NELL1: variants seen among roughly 807,000 people sequenced by gnomAD.
NELL1 encodes the protein protein kinase C-binding protein NELL1.
Under a neutral mutation model 107.4 loss-of-function variants are expected in NELL1, and 76 were observed. The ratio of observed to expected loss-of-function variants is 0.71; its 90% CI spans 0.59 to 0.86. The LOEUF is 0.86. Among genes scored for constraint, NELL1 ranks in the 40% least tolerant of loss-of-function variants. NELL1 has a pLI of 0.00. For missense variants in NELL1, 1,024 were observed against 1,005.5 expected, an observed-to-expected ratio of 1.02 and a Z score of -0.25; for synonymous variants, 353 against 341.2, an observed-to-expected ratio of 1.03 and a Z score of -0.38.
intron 14 of NELL1, among the ~76,000 whole-genome samples, chr11:21,299,046 A>G (rs1226506840): frequency 6.6e-6 from 1 of 151,930 alleles, no homozygotes. Flanking sequence ...CTGTGGCTGG[A>G]TTTCATTGGA....
chr11:21,496,258 A>C (rs2133924166), intron 15 of NELL1, among the ~76,000 whole-genome samples: 1 of 151,880 alleles, frequency 6.6e-6, no homozygotes, highest in African/African-American at 2.4e-5. Context: ...TTCCCATATA[A>C]TTATTTTAAT....
chr11:21,307,457 A>T (rs1387881251), intron 14 of NELL1, among the ~76,000 whole-genome samples: 1 of 151,972 alleles, frequency 6.6e-6, no homozygotes, highest in Non-Finnish European at 1.5e-5. Context: ...TCCCAAACAC[A>T]CACCTACATA....
At chr11:21,025,161 T>A (rs1263206073) in intron 12 of NELL1, among the ~76,000 whole-genome samples, 1 of 152,140 alleles carries the variant, frequency 6.6e-6, no homozygotes, top group Non-Finnish European at 1.5e-5. Context: ...TCCCTGTACC[T>A]GACATGGTTA....
intron 3 of NELL1, among the ~76,000 whole-genome samples, chr11:20,833,967 T>C (rs368702102): frequency 2.0e-5 from 3 of 152,190 alleles, no homozygotes; most frequent in East Asian, 3.8e-4. Context: ...CTTCTAGGCT[T>C]GAGCTCAATA....
At chr11:21,165,329 ACTCTACATG>A (rs1856455849) in intron 13 of NELL1, among the ~76,000 whole-genome samples, 1 of 152,054 alleles carries the variant, frequency 6.6e-6, no homozygotes, top group African/African-American at 2.4e-5. Context: ...AATTTTAAAT[ACTCTACATG>A]CTGATGACTT....
chr11:21,474,120 G>C (rs1357929782), intron 15 of NELL1, among the ~76,000 whole-genome samples: 1 of 151,894 alleles, frequency 6.6e-6, no homozygotes, highest in Non-Finnish European at 1.5e-5. Context: ...ACCTCTGCTT[G>C]CTTTCCTCTT....
intron 14 of NELL1, among the ~76,000 whole-genome samples, chr11:21,334,975 TA>T (rs1216001228): frequency 2.0e-5 from 3 of 151,772 alleles, no homozygotes; most frequent in African/African-American, 7.3e-5. Context: ...TTTCACAGTT[TA>T]AAAAAAATCT....
chr11:21,423,838 A>G (rs1852755019), intron 15 of NELL1, among the ~76,000 whole-genome samples: 1 of 152,234 alleles, frequency 6.6e-6, no homozygotes. Flanking sequence ...GAAAAATTAC[A>G]AATTGGTAGA....
chr11:20,871,666 A>G (rs1590366903), intron 4 of NELL1, among the ~76,000 whole-genome samples: 1 of 152,000 alleles, frequency 6.6e-6, no homozygotes, highest in East Asian at 1.9e-4. Flanking sequence ...AACCTCTAGA[A>G]ACTGTCCTGC....
chr11:21,108,361 T>C (rs937913216), intron 12 of NELL1, among the ~76,000 whole-genome samples: 3 of 152,164 alleles, frequency 2.0e-5, no homozygotes, highest in African/African-American at 7.2e-5. Context: ...AGAATCATTA[T>C]GCCACATCAA....
intron 15 of NELL1, among the ~76,000 whole-genome samples, chr11:21,400,485 T>C (rs896354985): frequency 6.6e-6 from 1 of 151,874 alleles, no homozygotes; most frequent in Non-Finnish European, 1.5e-5. Flanking sequence ...TAACTTCCAC[T>C]TTTGAATTTG....
At chr11:21,358,394 TTTTTG>T in intron 14 of NELL1, among the ~76,000 whole-genome samples, 1 of 151,968 alleles carries the variant, frequency 6.6e-6, no homozygotes, top group Non-Finnish European at 1.5e-5. Context: ...TGTAAGGTTT[TTTTTG>T]TTTTGTTTTG....
intron 19 of NELL1, 83 bp downstream of exon 19, chr11:21,573,492 A>G: frequency 8.5e-7 from 1 of 1,177,450 alleles, no homozygotes; most frequent in Non-Finnish European, 1.3e-6. Flanking sequence ...ATGTTTCTGA[A>G]TACACAGGTT....
At chr11:21,378,319 AT>A (rs1851528569) in intron 15 of NELL1, among the ~76,000 whole-genome samples, 1 of 150,830 alleles carries the variant, frequency 6.6e-6, no homozygotes, top group Non-Finnish European at 1.5e-5. Context: ...TTATTTGATA[AT>A]AATATGAAAA....
At chr11:20,693,194 T>G (rs988692218) in intron 2 of NELL1, among the ~76,000 whole-genome samples, 1 of 152,030 alleles carries the variant, frequency 6.6e-6, no homozygotes, top group Non-Finnish European at 1.5e-5. Flanking sequence ...GCACGTGAGA[T>G]GGGTTTCCTG....
intron 3 of NELL1, among the ~76,000 whole-genome samples, chr11:20,827,468 A>G (rs866878077): frequency 1.3e-5 from 2 of 151,254 alleles, no homozygotes; most frequent in African/African-American, 4.8e-5. Flanking sequence ...CTGGCTAGGT[A>G]TCTGTCCTGG....
chr11:21,338,527 T>C (rs1850487842), intron 14 of NELL1, among the ~76,000 whole-genome samples: 1 of 152,078 alleles, frequency 6.6e-6, no homozygotes, highest in Non-Finnish European at 1.5e-5. Flanking sequence ...GACCCCAGAG[T>C]TTCCAGGGTT....
rs570318868 is a variant in NELL1, at chr11:21,286,361, A to C, written c.1549+56907A>C. Reference sequence around the variant, plus strand: ...CACTTTACTGGCCATTAGACATGTCACTGTCCAGGGCTGCCACTAGCCCAA... The same window carrying C: ...CACTTTACTGGCCATTAGACATGTCCCTGTCCAGGGCTGCCACTAGCCCAA... On this transcript the variant is annotated intron_variant, in intron 14 of 19. Transcript: ENST00000357134. 5.3e-5 allele frequency among the ~76,000 whole-genome samples: 8 copies of C among 152,320 alleles called. No homozygotes were observed. The East Asian group carries it at 1.5e-3, about 29-fold the overall frequency.
chr11:20,897,881 C>G (rs541490939), intron 5 of NELL1, among the ~76,000 whole-genome samples: 23 of 152,260 alleles, frequency 1.5e-4, no homozygotes, highest in African/African-American at 5.1e-4. Flanking sequence ...CCATCTCACA[C>G]CAGTTAGTAT....
Sources: gnomAD v4.1 joint callset for allele counts (sites outside exome capture counted in the v4.1 genomes callset) on GRCh38, gnomAD v4.1.1 for gene constraint, MANE v1.5 for transcripts, NCBI Gene and HGNC (gene_info 2026-07-23, HGNC 2026-07-21) for gene names.